ZNF536: variants seen among roughly 807,000 people sequenced by gnomAD.
ZNF536 encodes the protein zinc finger protein 536.
ZNF536 carries 13 observed loss-of-function variants against 84.5 expected under a neutral mutation model. That is an observed-to-expected ratio of 0.15 (90% CI 0.10 to 0.24). The LOEUF (loss-of-function observed/expected upper bound fraction) is 0.24. Among genes scored for constraint, ZNF536 ranks in the 10% least tolerant of loss-of-function variants. The probability of loss-of-function intolerance (pLI) is 1.00; values close to 1 mark genes in which losing one functional copy is unlikely to be tolerated. For synonymous variants in ZNF536, 811 were observed against 742.5 expected (o/e 1.09, Z -1.50); for missense variants, 1,536 against 1,747.5 (o/e 0.88, Z 2.16).
At chr19:30,386,487 C>T (rs571504435) in intron 1 of ZNF536, among the ~76,000 whole-genome samples, 1 of 152,342 alleles carries the variant, frequency 6.6e-6, no homozygotes, top group Admixed American at 6.5e-5. Context: ...AGGTGATCCT[C>T]CTACCTCAGC....
At chr19:30,478,910 C>G (rs900913328) in intron 2 of ZNF536, among the ~76,000 whole-genome samples, 2 of 152,188 alleles carry the variant, frequency 1.3e-5, no homozygotes, top group African/African-American at 4.8e-5. Context: ...GGCTCCCTCT[C>G]CTTTTGGAAA....
chr19:30,531,563 T>A (rs1315843004), intron 2 of ZNF536, among the ~76,000 whole-genome samples: 1 of 151,706 alleles, frequency 6.6e-6, no homozygotes, highest in Admixed American at 6.6e-5. Context: ...AGCATAGCGG[T>A]CGATAGGTAA....
chr19:30,625,385 T>A (rs2048638258), intron 1 of ZNF536, among the ~76,000 whole-genome samples: 1 of 152,208 alleles, frequency 6.6e-6, no homozygotes, highest in African/African-American at 2.4e-5. Context: ...AGTTAACTTG[T>A]GTTGGCCTCA....
chr19:30,526,309 G>A (rs1163479703), intron 2 of ZNF536, among the ~76,000 whole-genome samples: 1 of 152,252 alleles, frequency 6.6e-6, no homozygotes, highest in Non-Finnish European at 1.5e-5. Context: ...TTGGCAAGAT[G>A]TGGCGGTCTG....
chr19:30,700,308 C>T (rs2051882576), intron 1 of ZNF536, among the ~76,000 whole-genome samples: 1 of 147,908 alleles, frequency 6.8e-6, no homozygotes, highest in African/African-American at 2.5e-5. Flanking sequence ...TTCCCTCTCC[C>T]TCTTTCTTTC....
intron 2 of ZNF536, among the ~76,000 whole-genome samples, chr19:30,498,347 C>A (rs2054806124): frequency 6.6e-6 from 1 of 152,124 alleles, no homozygotes; most frequent in Admixed American, 6.5e-5. Flanking sequence ...AACAGAAAAC[C>A]AAACACCGCA....
At chr19:30,527,220 T>C (rs1257420883) in intron 2 of ZNF536, among the ~76,000 whole-genome samples, 2 of 47,144 alleles carry the variant, frequency 4.2e-5, no homozygotes, top group South Asian at 6.6e-4. Context: ...CCCAGCCTCC[T>C]TTTTTTTTTT....
At chr19:30,572,086 G>T (rs915982073) in intron 1 of ZNF536, among the ~76,000 whole-genome samples, 2 of 152,166 alleles carry the variant, frequency 1.3e-5, no homozygotes, top group Admixed American at 1.3e-4. Context: ...TAAGAGGTGG[G>T]CATCTTGGTT....
rs762457465 is a variant in ZNF536 at position 30,383,701 on chromosome 19, CTCTTTCTTTCTT to C, written c.-3+11177_-3+11188del. On this transcript the variant is annotated intron_variant, in intron 1 of 4. Coordinates refer to ENST00000355537, the MANE Select transcript of ZNF536 (RefSeq NM_014717.3). Reference sequence around the variant, plus strand: ...CTTTCTTCCTTCCTTTCTTTTCTTTCTCTTTCTTTCTTTCTTTCTTTCTTTCTTTCTTTCTTT... The same window carrying C: ...CTTTCTTCCTTCCTTTCTTTTCTTTCTCTTTCTTTCTTTCTTTCTTTCTTT... 8.5e-3 allele frequency among the ~76,000 whole-genome samples: 98 copies of C among 11,564 alleles called. 1 individual carries two copies. The highest frequency in any genetic ancestry group is 0.017 in the Non-Finnish European group (69 of 4,068). The allele number at this position is 11,564 out of a possible 152,430, so 7.6% of individuals were successfully genotyped here. A position where few individuals can be genotyped will look rare whatever the true frequency, so the allele number is the denominator to read the frequency against.
chr19:30,319,368 T>A (rs1048865183), intron 2 of ZNF536, among the ~76,000 whole-genome samples: 4 of 152,242 alleles, frequency 2.6e-5, no homozygotes, highest in African/African-American at 9.6e-5. Flanking sequence ...GACTGATGTT[T>A]TTTTTTTGCG....
chr19:30,700,948 G>T (rs1221810407), intron 1 of ZNF536, among the ~76,000 whole-genome samples: 1 of 152,184 alleles, frequency 6.6e-6, no homozygotes, highest in Non-Finnish European at 1.5e-5. Context: ...GGCAGTGGCT[G>T]TTCTCAAGCC....
chr19:30,526,264 T>C (rs1290976822), intron 2 of ZNF536, among the ~76,000 whole-genome samples: 2 of 152,210 alleles, frequency 1.3e-5, no homozygotes, highest in Non-Finnish European at 2.9e-5. Flanking sequence ...TGAGAGTACC[T>C]GCCCACAGCC....
At chr19:30,585,125 A>G (rs139697692) in intron 1 of ZNF536, among the ~76,000 whole-genome samples, 142 of 152,160 alleles carry the variant, frequency 9.3e-4, no homozygotes, top group African/African-American at 3.3e-3. Flanking sequence ...CAAAAAAAAA[A>G]AGAAAAAGAA....
intron 1 of ZNF536, among the ~76,000 whole-genome samples, chr19:30,385,133 C>T (rs763341599): frequency 6.6e-5 from 10 of 152,096 alleles, no homozygotes; most frequent in Non-Finnish European, 1.0e-4. Context: ...GAGGCCTTCC[C>T]TGCAGCAGCT....
chr19:30,263,892 A>G (rs924285500), intron 1 of ZNF536, among the ~76,000 whole-genome samples: 27 of 152,172 alleles, frequency 1.8e-4, no homozygotes, highest in African/African-American at 6.5e-4. Flanking sequence ...ACACACACAC[A>G]CACACACACA....
At chr19:30,508,349 G>C (rs1973374084) in intron 2 of ZNF536, among the ~76,000 whole-genome samples, 1 of 152,184 alleles carries the variant, frequency 6.6e-6, no homozygotes, top group African/African-American at 2.4e-5. Context: ...AGGGAAACAA[G>C]GGCTATGGCT....
intron 1 of ZNF536, among the ~76,000 whole-genome samples, chr19:30,671,908 G>A (rs2050570853): frequency 6.6e-6 from 1 of 152,142 alleles, no homozygotes; most frequent in Admixed American, 6.5e-5. Context: ...AGGGTCTGTG[G>A]CCATTGGACT....
At chr19:30,471,844 TGCTACTTTTA>T (rs2053647569) in intron 2 of ZNF536, among the ~76,000 whole-genome samples, 1 of 152,274 alleles carries the variant, frequency 6.6e-6, no homozygotes, top group Non-Finnish European at 1.5e-5. Flanking sequence ...TTTTTTTAAA[TGCTACTTTTA>T]TTTTTAAGTT....
intron 2 of ZNF536, among the ~76,000 whole-genome samples, chr19:30,305,485 G>A (rs935151431): frequency 1.3e-5 from 2 of 152,216 alleles, no homozygotes; most frequent in African/African-American, 4.8e-5. Flanking sequence ...GGTATTTAAT[G>A]TTCTTAGGAG....
Sources: gnomAD v4.1 joint callset for allele counts (sites outside exome capture counted in the v4.1 genomes callset) on GRCh38, gnomAD v4.1.1 for gene constraint, MANE v1.5 for transcripts, NCBI Gene and HGNC (gene_info 2026-07-23, HGNC 2026-07-21) for gene names.